TSHZ2: variants seen among roughly 807,000 people sequenced by gnomAD.
TSHZ2 encodes the protein teashirt homolog 2.
Under a neutral mutation model 74.4 loss-of-function variants are expected in TSHZ2, and 21 were observed. That is an observed-to-expected ratio of 0.28 (90% confidence interval 0.20 to 0.41). TSHZ2 has a LOEUF of 0.41. TSHZ2 is among the 10% of genes least tolerant of loss of function. The pLI is 1.00. For missense variants in TSHZ2, 1,244 were observed against 1,293.5 expected (o/e 0.96, Z 0.59); for synonymous variants, 540 against 515.3 (o/e 1.05, Z -0.65).
chr20:53,160,847 A>G (rs1040567418), intron 1 of TSHZ2, among the ~76,000 whole-genome samples: 3 of 151,528 alleles, frequency 2.0e-5, no homozygotes, highest in African/African-American at 7.3e-5. Context: ...CCATAGGCCC[A>G]TCTTCTTTGA....
intron 1 of TSHZ2, among the ~76,000 whole-genome samples, chr20:53,151,928 C>A (rs774929078): frequency 6.6e-5 from 10 of 152,058 alleles, no homozygotes; most frequent in Non-Finnish European, 1.5e-4. Context: ...ATAATTAATG[C>A]CTTTATAAAA....
At chr20:53,386,468 T>C (rs982406124) in intron 2 of TSHZ2, among the ~76,000 whole-genome samples, 1 of 152,206 alleles carries the variant, frequency 6.6e-6, no homozygotes, top group Admixed American at 6.5e-5. Flanking sequence ...GTTGAAAGTA[T>C]GTTGTGAGCT....
rs550864668 is a variant in TSHZ2, at chr20:53,311,977, A to G, written c.*8+55406A>G. On this transcript the variant is annotated intron_variant, in intron 2 of 2. Transcript: ENST00000371497. ...ATGCCTGTAGTCCTAGCTACTCATG[A>G]GGCTGAGGTGGGAGGATCATTTGAG... Among the ~76,000 whole-genome samples, 552 of 152,298 alleles carry G rather than the reference A, an allele frequency of 3.6e-3. 1 individual carries two copies. The highest frequency in any genetic ancestry group is 5.7e-3 in the Non-Finnish European group (386 of 68,016).
At chr20:53,246,410 T>A (rs542012863) in intron 1 of TSHZ2, among the ~76,000 whole-genome samples, 2 of 152,198 alleles carry the variant, frequency 1.3e-5, no homozygotes, top group Non-Finnish European at 2.9e-5. Context: ...CAGACAAGTG[T>A]CCAGTCTAGC....
In TSHZ2 at chr20:53,255,116, G is replaced by A. The variant is rs1195494074; in HGVS notation, c.1658G>A (p.Gly553Asp). 6.2e-7 allele frequency: 1 copy of A among 1,614,036 alleles called. No homozygotes were observed. Among genetic ancestry groups the A allele is most frequent in the Non-Finnish European group, 8.5e-7 (1 of 1,180,046 alleles). ...SIHAAYQLSEGTKPPLPMGSQ... is the reference protein window; with the variant it reads ...SIHAAYQLSEDTKPPLPMGSQ... ...CACGCAGCCTACCAGCTGTCTGAGGGCACCAAGCCGCCTTTGCCTATGGGA... is the reference window on the plus strand; with the variant it reads ...CACGCAGCCTACCAGCTGTCTGAGGACACCAAGCCGCCTTTGCCTATGGGA... The change falls in exon 2 of 3, where the codon GGC becomes GAC. Residue 553 changes from glycine to aspartate, a missense_variant. By Grantham distance (94) the Gly-to-Asp change is moderately conservative (BLOSUM62 -1). Transcript: ENST00000371497. The surrounding 1 kb of genome is among the most constrained non-coding windows in gnomAD (Gnocchi z 4.1).
chr20:53,411,683 G>A (rs1983059339), intron 2 of TSHZ2, among the ~76,000 whole-genome samples: 1 of 152,070 alleles, frequency 6.6e-6, no homozygotes, highest in African/African-American at 2.4e-5. Context: ...TTAAAAATTG[G>A]ACAGGTAGGT....
At chr20:53,296,851 T>C (rs1016708383) in intron 2 of TSHZ2, among the ~76,000 whole-genome samples, 1 of 152,264 alleles carries the variant, frequency 6.6e-6, no homozygotes, top group Non-Finnish European at 1.5e-5. Context: ...AGTTTTAGAA[T>C]TTCTGCAGGT....
At chr20:53,277,573 T>G (rs976902669) in intron 2 of TSHZ2, among the ~76,000 whole-genome samples, 1 of 152,210 alleles carries the variant, frequency 6.6e-6, no homozygotes, top group Non-Finnish European at 1.5e-5. Context: ...TTTCTCCACC[T>G]TTCAGCTCAG....
intron 1 of TSHZ2, among the ~76,000 whole-genome samples, chr20:53,013,686 C>A (rs1191715398): frequency 1.3e-5 from 2 of 152,160 alleles, no homozygotes; most frequent in African/African-American, 4.8e-5. Flanking sequence ...CCCCAGAAAC[C>A]AACACAGTGG....
chr20:53,049,988 A>G (rs1984367040), intron 1 of TSHZ2, among the ~76,000 whole-genome samples: 1 of 151,208 alleles, frequency 6.6e-6, no homozygotes. Context: ...AGGCTGAGGC[A>G]AGAGAATTGC....
intron 2 of TSHZ2, among the ~76,000 whole-genome samples, chr20:53,448,059 A>G (rs1810974): frequency 0.77 from 116,487 of 151,838 alleles, 45,716 homozygotes; most frequent in African/African-American, 0.92. Context: ...GACTACAGGC[A>G]CCTGCCACCA....
At chr20:53,338,217 T>C (rs1402681808) in intron 2 of TSHZ2, among the ~76,000 whole-genome samples, 1 of 152,218 alleles carries the variant, frequency 6.6e-6, no homozygotes, top group Non-Finnish European at 1.5e-5. Flanking sequence ...TCATAATTCT[T>C]TCCACATAAA....
chr20:53,213,288 A>G (rs1393669342), intron 1 of TSHZ2, among the ~76,000 whole-genome samples: 1 of 152,156 alleles, frequency 6.6e-6, no homozygotes, highest in Admixed American at 6.5e-5. Context: ...ATTTCATGCA[A>G]AATTGTACCT....
At chr20:53,171,627 T>C (rs1988203714) in intron 1 of TSHZ2, among the ~76,000 whole-genome samples, 1 of 152,036 alleles carries the variant, frequency 6.6e-6, no homozygotes, top group African/African-American at 2.4e-5. Flanking sequence ...AGGGTGTTTG[T>C]ACAAATTATT....
chr20:53,262,049 C>A (rs1990612119), intron 2 of TSHZ2, among the ~76,000 whole-genome samples: 2 of 152,076 alleles, frequency 1.3e-5, no homozygotes, highest in Admixed American at 6.5e-5. Context: ...AGAAGTCTTT[C>A]TCCATAAAGA....
At chr20:52,989,952 C>T (rs142725082) in intron 1 of TSHZ2, among the ~76,000 whole-genome samples, 2 of 150,978 alleles carry the variant, frequency 1.3e-5, no homozygotes, top group African/African-American at 4.8e-5. Flanking sequence ...AATATATATA[C>T]ATACTAATTA....
At chr20:53,226,494 G>A (rs1247591237) in intron 1 of TSHZ2, among the ~76,000 whole-genome samples, 1 of 152,034 alleles carries the variant, frequency 6.6e-6, no homozygotes, top group Non-Finnish European at 1.5e-5. Context: ...TCTGTGGCCA[G>A]TAACCGTGTC....
At chr20:53,113,957 G>T (rs74768117) in intron 1 of TSHZ2, among the ~76,000 whole-genome samples, 3,236 of 152,108 alleles carry the variant, frequency 0.021, 100 homozygotes, top group African/African-American at 0.064. Context: ...TCAGGGCACG[G>T]TGGCACATAC....
intron 2 of TSHZ2, among the ~76,000 whole-genome samples, chr20:53,380,314 TAC>T (rs1396704475): frequency 6.6e-6 from 1 of 152,216 alleles, no homozygotes; most frequent in African/African-American, 2.4e-5. Flanking sequence ...TTTTAGCAGT[TAC>T]AGAGTCTTAT....
Sources: allele counts gnomAD v4.1 joint callset (sites outside exome capture counted in the v4.1 genomes callset), GRCh38; gene constraint gnomAD v4.1.1; non-coding constraint Gnocchi (gnomAD v3.1); transcripts MANE v1.5; gene names NCBI Gene and HGNC (gene_info 2026-07-23, HGNC 2026-07-21).